Variants in CSMD1 observed in about 807,000 individuals in gnomAD.
CSMD1 encodes CUB and sushi domain-containing protein 1.
Under a neutral mutation model 417.5 loss-of-function variants are expected in CSMD1, and 213 were observed. The observed-to-expected ratio is 0.51, with a 90% CI of 0.46 to 0.57. The LOEUF (loss-of-function observed/expected upper bound fraction) is 0.57, where lower values mean the gene tolerates loss of function less well. Among genes scored for constraint, CSMD1 ranks in the 20% least tolerant of loss-of-function variants. CSMD1 has a pLI of 0.00. For missense variants in CSMD1, 6,923 were observed against 4,529.7 expected, an observed-to-expected ratio of 1.53 and a Z score of -15.17; for synonymous variants, 2,862 against 1,736.8, an observed-to-expected ratio of 1.65 and a Z score of -16.11.
intron 21 of CSMD1, among the ~76,000 whole-genome samples, chr8:3,354,361 C>T (rs1404177668): frequency 6.6e-6 from 1 of 152,072 alleles, no homozygotes; most frequent in Non-Finnish European, 1.5e-5. Context: ...CTTTTGAGGG[C>T]ACTGTGAAAT....
intron 3 of CSMD1, among the ~76,000 whole-genome samples, chr8:4,111,294 C>A (rs1258344643): frequency 6.6e-6 from 1 of 152,024 alleles, no homozygotes; most frequent in Non-Finnish European, 1.5e-5. Flanking sequence ...ATCTTATGAG[C>A]AGAAGAATCT....
chr8:3,771,037 C>CGT (rs1185912253), intron 5 of CSMD1, among the ~76,000 whole-genome samples: 1 of 148,922 alleles, frequency 6.7e-6, no homozygotes, highest in East Asian at 2.0e-4. Context: ...TGTCTGCGTG[C>CGT]GTGTGTGTGT....
intron 5 of CSMD1, among the ~76,000 whole-genome samples, chr8:3,950,496 T>C (rs368521450): frequency 6.6e-6 from 1 of 152,212 alleles, no homozygotes; most frequent in African/African-American, 2.4e-5. Context: ...GCCCCTTTAC[T>C]TCTGCAGACT....
intron 23 of CSMD1, among the ~76,000 whole-genome samples, chr8:3,331,772 T>G (rs1343644420): frequency 1.3e-5 from 2 of 152,244 alleles, no homozygotes; most frequent in Non-Finnish European, 2.9e-5. Context: ...TGCCAGATCT[T>G]TAAAGTTACC....
chr8:3,043,857 C>G (rs1404608478), intron 50 of CSMD1: 1 of 152,386 alleles, frequency 6.6e-6, no homozygotes, highest in African/African-American at 2.4e-5. Context: ...AATTTGTTCT[C>G]TAATTAAATA....
intron 5 of CSMD1, among the ~76,000 whole-genome samples, chr8:3,919,710 A>T (rs977381270): frequency 6.6e-6 from 1 of 152,152 alleles, no homozygotes; most frequent in Non-Finnish European, 1.5e-5. Flanking sequence ...TTGAATCTGT[A>T]GATGACTTTG....
intron 6 of CSMD1, among the ~76,000 whole-genome samples, chr8:3,726,947 C>T (rs1187922557): frequency 6.6e-6 from 1 of 152,186 alleles, no homozygotes; most frequent in Non-Finnish European, 1.5e-5. Flanking sequence ...AATGACTAAA[C>T]TCTGAAGAAT....
At chr8:3,559,815 G>A (rs934644075) in intron 10 of CSMD1, among the ~76,000 whole-genome samples, 1 of 152,124 alleles carries the variant, frequency 6.6e-6, no homozygotes, top group Non-Finnish European at 1.5e-5. Context: ...AAACAGCTAT[G>A]AGGGATTAAA....
chr8:4,609,955 C>G (rs1302621676), intron 2 of CSMD1, among the ~76,000 whole-genome samples: 4 of 152,052 alleles, frequency 2.6e-5, no homozygotes, highest in Admixed American at 2.0e-4. Context: ...GGCTATTAAA[C>G]TACCTAATTG....
intron 4 of CSMD1, among the ~76,000 whole-genome samples, chr8:3,999,727 G>C (rs1015324909): frequency 3.3e-5 from 5 of 152,152 alleles, no homozygotes; most frequent in African/African-American, 7.2e-5. Context: ...GGCAGCTTTA[G>C]AATGGACGTC....
At chr8:4,993,388 C>T (rs911511910) in intron 1 of CSMD1, among the ~76,000 whole-genome samples, 2 of 152,214 alleles carry the variant, frequency 1.3e-5, no homozygotes, top group African/African-American at 4.8e-5. Flanking sequence ...TTCTCTCTCT[C>T]TCTGTCTCTC....
At chr8:3,092,279 T>A (rs1440818989) in intron 47 of CSMD1, among the ~76,000 whole-genome samples, 1 of 152,106 alleles carries the variant, frequency 6.6e-6, no homozygotes, top group African/African-American at 2.4e-5. Context: ...TATACACATA[T>A]CCACATAGGT....
intron 7 of CSMD1, among the ~76,000 whole-genome samples, chr8:3,621,999 G>GTC: frequency 1.3e-5 from 2 of 151,366 alleles, no homozygotes; most frequent in Non-Finnish European, 2.9e-5. Context: ...GTATGTGTGT[G>GTC]TGTGTGTGTG....
chr8:3,671,130 G>A (rs1016757165), intron 7 of CSMD1, among the ~76,000 whole-genome samples: 2 of 146,352 alleles, frequency 1.4e-5, no homozygotes, highest in Non-Finnish European at 3.0e-5. Flanking sequence ...GGATATATAT[G>A]TATGGGATAT....
At chr8:3,971,954 C>T (rs1161074162) in intron 5 of CSMD1, among the ~76,000 whole-genome samples, 15 of 152,030 alleles carry the variant, frequency 9.9e-5, no homozygotes, top group Non-Finnish European at 1.5e-5. Context: ...GTTGCCCAGG[C>T]TGGAGTGCAG....
intron 3 of CSMD1, among the ~76,000 whole-genome samples, chr8:4,412,155 C>A (rs1236567116): frequency 6.6e-6 from 1 of 152,010 alleles, no homozygotes; most frequent in African/African-American, 2.4e-5. Flanking sequence ...TCTCAATGTG[C>A]CTCTGATATA....
At chr8:3,751,666 G>C (rs185527972) in intron 6 of CSMD1, among the ~76,000 whole-genome samples, 156 of 151,758 alleles carry the variant, frequency 1.0e-3, no homozygotes, top group African/African-American at 3.5e-3. Context: ...ATCAACGTCT[G>C]ATACATCTAA....
intron 52 of CSMD1, among the ~76,000 whole-genome samples, chr8:3,002,856 G>A (rs1038513388): frequency 6.6e-6 from 1 of 152,106 alleles, no homozygotes; most frequent in Non-Finnish European, 1.5e-5. Context: ...TGGTCATTTC[G>A]GTTCTCTGAG....
intron 2 of CSMD1, among the ~76,000 whole-genome samples, chr8:4,603,783 G>C (rs554911503): frequency 6.6e-6 from 1 of 152,088 alleles, no homozygotes; most frequent in African/African-American, 2.4e-5. Context: ...AAGTTGGAAT[G>C]AAACACAATA....
Sources: gnomAD v4.1 joint callset for allele counts (sites outside exome capture counted in the v4.1 genomes callset) on GRCh38, gnomAD v4.1.1 for gene constraint, MANE v1.5 for transcripts, NCBI Gene and HGNC (gene_info 2026-07-23, HGNC 2026-07-21) for gene names.